NCALD: variants seen among roughly 807,000 people sequenced by gnomAD.
NCALD encodes neurocalcin delta.
In NCALD, 10 loss-of-function variants were observed where a neutral mutation model predicts 18.6. That is an observed-to-expected ratio of 0.54 (90% confidence interval 0.33 to 0.91). The LOEUF (loss-of-function observed/expected upper bound fraction) is 0.91. Ranked by LOEUF, NCALD falls within the 40% of genes least tolerant of loss-of-function variation. NCALD has a pLI of 0.03. For synonymous variants in NCALD, 88 were observed against 87.4 expected, an observed-to-expected ratio of 1.01 and a Z score of -0.04; for missense variants, 184 against 247.6, an observed-to-expected ratio of 0.74 and a Z score of 1.72.
At chr8:101,980,759 G>A (rs1820589700) in intron 2 of NCALD, among the ~76,000 whole-genome samples, 1 of 152,214 alleles carries the variant, frequency 6.6e-6, no homozygotes, top group South Asian at 2.1e-4. Flanking sequence ...TGCAAAAATA[G>A]AGCAGGTTAC....
At position 101,688,010 on chromosome 8, in the gene NCALD, T is replaced by C. The variant is rs1397710909; in HGVS notation, c.*1299A>G. 6.6e-6 allele frequency: 1 copy of C among 152,240 alleles called. No individual in the cohort carries two copies. Among genetic ancestry groups the C allele is most frequent in the Non-Finnish European group, 1.5e-5 (1 of 68,064 alleles). 9.4% of individuals were successfully genotyped at this position (152,240 alleles called of 1,614,324 possible). A position where few individuals can be genotyped will look rare whatever the true frequency, so the allele number is the denominator to read the frequency against. On this transcript the variant is annotated 3_prime_UTR_variant, in exon 4 of 4. Coordinates refer to ENST00000220931, the MANE Select transcript of NCALD (RefSeq NM_032041.3). ...ATTTGATGACTGCCCAACCTCTGAT[T>C]CTTTAACAGGGGCAGGGAAACTGAA...
intron 4 of NCALD, among the ~76,000 whole-genome samples, chr8:101,804,678 TTAA>T (rs1376455974): frequency 1.3e-5 from 1 of 75,016 alleles, no homozygotes; most frequent in Non-Finnish European, 2.9e-5. Flanking sequence ...TATAATATAA[TTAA>T]TAAATTAATA....
At chr8:101,865,397 G>C (rs1815727570) in intron 4 of NCALD, among the ~76,000 whole-genome samples, 1 of 152,210 alleles carries the variant, frequency 6.6e-6, no homozygotes, top group Non-Finnish European at 1.5e-5. Flanking sequence ...CACTGTCCTA[G>C]GGGAGAAGGA....
chr8:101,958,573 T>C (rs1444611956), intron 2 of NCALD, among the ~76,000 whole-genome samples: 1 of 152,140 alleles, frequency 6.6e-6, no homozygotes, highest in African/African-American at 2.4e-5. Flanking sequence ...CTGTTTGCCA[T>C]ATGCCAGAAC....
intron 3 of NCALD, among the ~76,000 whole-genome samples, chr8:101,897,568 C>T (rs1005087604): frequency 2.0e-5 from 3 of 151,996 alleles, no homozygotes; most frequent in Admixed American, 1.3e-4. Flanking sequence ...TATTGTAGGA[C>T]ATTTTGTTTG....
At chr8:101,858,977 TGATTG>T (rs1164492139) in intron 4 of NCALD, among the ~76,000 whole-genome samples, 2 of 152,130 alleles carry the variant, frequency 1.3e-5, no homozygotes, top group African/African-American at 2.4e-5. Context: ...AGTGTCAACT[TGATTG>T]GATTGAAGGA....
In NCALD at chr8:102,112,122, T is replaced by G. The variant is rs576436351; in HGVS notation, c.-210+12115A>C. Among the ~76,000 whole-genome samples the G allele has an allele frequency of 5.9e-5, 9 of 152,350 alleles. No homozygotes were observed. The East Asian group carries it at 1.7e-3, about 29-fold the overall frequency. ...GGAAATTCAAATATTTGTGATACCT[T>G]GTATGAGATTATTTTCTGAAAGGTA... On this transcript the variant is annotated intron_variant, in intron 1 of 6. Transcript: ENST00000311028.
chr8:102,108,931 G>T (rs1345713699), intron 1 of NCALD, among the ~76,000 whole-genome samples: 1 of 152,166 alleles, frequency 6.6e-6, no homozygotes, highest in Non-Finnish European at 1.5e-5. Context: ...TGGAAAGCAG[G>T]AATAACCATG....
chr8:102,026,655 G>A (rs1044891870), intron 1 of NCALD, among the ~76,000 whole-genome samples: 2 of 152,192 alleles, frequency 1.3e-5, no homozygotes, highest in Non-Finnish European at 2.9e-5. Flanking sequence ...GGCACACAGT[G>A]CAAGCTGTCA....
intron 4 of NCALD, among the ~76,000 whole-genome samples, chr8:101,820,457 T>C (rs61064375): frequency 0.072 from 10,997 of 152,172 alleles, 1,322 homozygotes; most frequent in African/African-American, 0.25. Flanking sequence ...TGAATAAACA[T>C]ACATTTTGAG....
chr8:102,089,134 C>T (rs1824839600), intron 1 of NCALD, among the ~76,000 whole-genome samples: 1 of 152,228 alleles, frequency 6.6e-6, no homozygotes, highest in Admixed American at 6.5e-5. Flanking sequence ...GTGGCTCACG[C>T]TTGTAATCCC....
At chr8:101,914,736 C>T (rs1380766082) in intron 3 of NCALD, among the ~76,000 whole-genome samples, 1 of 152,198 alleles carries the variant, frequency 6.6e-6, no homozygotes, top group African/African-American at 2.4e-5. Flanking sequence ...ATTCTTTTCA[C>T]ATACAACCAT....
intron 4 of NCALD, among the ~76,000 whole-genome samples, chr8:101,812,674 C>T (rs1813350258): frequency 6.6e-6 from 1 of 152,100 alleles, no homozygotes; most frequent in African/African-American, 2.4e-5. Context: ...GAAGTCTGTC[C>T]ACTTGGGATT....
intron 4 of NCALD, among the ~76,000 whole-genome samples, chr8:101,802,089 T>A (rs1413833484): frequency 6.6e-6 from 1 of 152,152 alleles, no homozygotes; most frequent in Admixed American, 6.5e-5. Flanking sequence ...TCCAACAGCA[T>A]GAGCTCAAAT....
chr8:101,694,893 C>T (rs186785785), intron 2 of NCALD, among the ~76,000 whole-genome samples: 273 of 152,246 alleles, frequency 1.8e-3, no homozygotes, highest in Non-Finnish European at 3.0e-3. Context: ...AGATTTAACA[C>T]GCCCAGGTGA....
At chr8:102,031,425 G>T (rs986133818) in intron 1 of NCALD, among the ~76,000 whole-genome samples, 5 of 152,252 alleles carry the variant, frequency 3.3e-5, no homozygotes, top group African/African-American at 1.2e-4. Context: ...GAAGTGAAGG[G>T]GGTTATGATG....
intron 1 of NCALD, among the ~76,000 whole-genome samples, chr8:101,777,541 C>G (rs559505727): frequency 4.0e-4 from 61 of 152,176 alleles, no homozygotes; most frequent in Admixed American, 8.5e-4. Context: ...GTATAAATGA[C>G]CCATATTGAT....
chr8:101,987,986 C>G (rs898251051), intron 2 of NCALD, among the ~76,000 whole-genome samples: 5 of 151,980 alleles, frequency 3.3e-5, no homozygotes, highest in Admixed American at 6.6e-5. Context: ...AACCCCGTCT[C>G]TACTAAAAAC....
At chr8:102,011,980 A>G (rs967239052) in intron 2 of NCALD, among the ~76,000 whole-genome samples, 2 of 152,196 alleles carry the variant, frequency 1.3e-5, no homozygotes, top group Non-Finnish European at 2.9e-5. Flanking sequence ...GCAAATATCA[A>G]AGGAATCCTG....
Sources: allele counts gnomAD v4.1 joint callset (sites outside exome capture counted in the v4.1 genomes callset), GRCh38; gene constraint gnomAD v4.1.1; transcripts MANE v1.5; gene names NCBI Gene and HGNC (gene_info 2026-07-23, HGNC 2026-07-21).